The following NRSN2 variants were observed in gnomAD, a reference collection of about 807,000 sequenced individuals.
The protein encoded by NRSN2 is neurensin 2, also known as neurensin-2.
NRSN2 carries 10 observed loss-of-function variants against 11.1 expected under a neutral mutation model. The observed-to-expected ratio is 0.90, with a 90% CI of 0.56 to 1.53. The LOEUF (loss-of-function observed/expected upper bound fraction) is 1.53. Ranked by LOEUF, NRSN2 falls within the 40% of genes most tolerant of loss-of-function variation. NRSN2 has a pLI of 0.00. For missense variants in NRSN2, 260 were observed against 273.7 expected (o/e 0.95, Z 0.35); for synonymous variants, 100 against 117.0 (o/e 0.86, Z 0.94).
chr20:352,614 C>T (rs2014056600), intron 4 of NRSN2, among the ~76,000 whole-genome samples: 1 of 152,236 alleles, frequency 6.6e-6, no homozygotes, highest in African/African-American at 2.4e-5. Context: ...ATTCAGCAAA[C>T]ATTTATTCAG....
chr20:349,552 C>T (rs1265479582), intron 3 of NRSN2, 86 bp from the exon 4 acceptor site: 18 of 1,151,662 alleles, frequency 1.6e-5, no homozygotes, highest in Admixed American at 7.1e-5. Flanking sequence ...GGGTGGGGCA[C>T]AAAGATTTAG....
intron 3 of NRSN2, 24 bp from the exon 4 acceptor site, chr20:349,614 A>T: frequency 6.3e-7 from 1 of 1,587,048 alleles, no homozygotes; most frequent in East Asian, 2.2e-5. Flanking sequence ...TCCCTCCGTC[A>T]GCTGCACCTT....
chr20:351,527 C>T (rs1289361922), intron 4 of NRSN2, among the ~76,000 whole-genome samples: 1 of 152,028 alleles, frequency 6.6e-6, no homozygotes, highest in Non-Finnish European at 1.5e-5. Flanking sequence ...GAGTGAGACT[C>T]TGTCAAGAAA....
chr20:349,762 C>T lies in NRSN2; in HGVS notation c.119C>T (p.Ala40Val), dbSNP rs1198963683. 1 of 1,613,530 alleles carries T rather than the reference C, an allele frequency of 6.2e-7. No individual in the cohort carries two copies. Among genetic ancestry groups the T allele is most frequent in the Non-Finnish European group, 8.5e-7 (1 of 1,180,008 alleles). The change falls in exon 4 of 5, where the codon GCT becomes GTT. Residue 40 changes from alanine (A) to valine (V), a missense_variant. Physicochemically the swap from Ala to Val is moderately conservative, Grantham distance 64. Coordinates refer to ENST00000382285, the MANE Select transcript of NRSN2 (RefSeq NM_001323682.2). ...TTCTATGAGGACTGTGCAGGCACTGCTCTCAGCGACGACCCTGAGGGACCT... is the reference window on the plus strand; with the variant it reads ...TTCTATGAGGACTGTGCAGGCACTGTTCTCAGCGACGACCCTGAGGGACCT... ...HLFYEDCAGT[A>V]LSDDPEGPPV...
At chr20:350,477 TAAA>T (rs553851326) in intron 4 of NRSN2, among the ~76,000 whole-genome samples, 9 of 83,436 alleles carry the variant, frequency 1.1e-4, no homozygotes, top group African/African-American at 3.2e-4. Context: ...AAACTCCCTC[TAAA>T]AAAAAAAAAA....
rs144774955 is a variant in NRSN2, at chr20:353,612, A to C, written c.592A>C (p.Ile198Leu). ...CTTTGGGCAATCTTCTGTGCAGACTATCCAGCCCAAGAGGGACTCCTGAGC... is the reference window on the plus strand; with the variant it reads ...CTTTGGGCAATCTTCTGTGCAGACTCTCCAGCCCAAGAGGGACTCCTGAGC... ...SPFGQSSVQT[I>L]QPKRDS The change falls in exon 5 of 5, where the codon ATC becomes CTC. Residue 198 changes from isoleucine to leucine, a missense_variant. Transcript: ENST00000382285. The C allele has an allele frequency of 1.2e-4, 187 of 1,614,026 alleles. No individual in the cohort carries two copies. The highest frequency in any genetic ancestry group is 1.3e-4 in the Non-Finnish European group (158 of 1,180,034).
rs2013548455 is a variant in NRSN2, at chr20:347,809, A to G, written c.-122+297A>G. 6.7e-6 allele frequency among the ~76,000 whole-genome samples: 1 copy of G among 150,360 alleles called. No homozygotes were observed. Among genetic ancestry groups the G allele is most frequent in the Non-Finnish European group, 1.5e-5 (1 of 67,500 alleles). On this transcript the variant is annotated intron_variant, in intron 2 of 4. Transcript: ENST00000382285. This position sits in a 1 kb window ranked among gnomAD's most constrained non-coding sequence, Gnocchi z 7.0. ...CCCCTCCGCCTCCCGCTCCCCTCCC[A>G]CCGAGCTCCTCCCGGCTCCCGGGCT...
In NRSN2 at chr20:347,876, G is replaced by T. The variant is rs958526072; in HGVS notation, c.-122+364G>T. The stretch of plus-strand genomic sequence containing the variant: ...CGGTTCCCATGGCAACCCTCGTCCC[G>T]GGTGCCTGCGCCCCGCCCCCCGCCC... On this transcript the variant is annotated intron_variant, in intron 2 of 4. Transcript: ENST00000382285. The surrounding 1 kb of genome is among the most constrained non-coding windows in gnomAD (Gnocchi z 7.0). 3.9e-5 allele frequency among the ~76,000 whole-genome samples: 6 copies of T among 152,184 alleles called. No homozygotes were observed. In the East Asian group the frequency reaches 9.7e-4, roughly 25 times the overall value.
In NRSN2 at chr20:349,876, G is replaced by C. The variant is rs763754821; in HGVS notation, c.189+44G>C. 14 of 1,554,942 alleles carry C rather than the reference G, an allele frequency of 9.0e-6. No individual in the cohort carries two copies. The South Asian group carries it at 1.6e-4, about 18-fold the overall frequency. On this transcript the variant is annotated intron_variant, in intron 4 of 4. Coordinates refer to ENST00000382285, the MANE Select transcript of NRSN2 (RefSeq NM_001323682.2). ...CTCCCATGATTCCTCTGCCTTGATG[G>C]AGGAAATGAGTCTGAATTTGAGGCT...
intron 4 of NRSN2, among the ~76,000 whole-genome samples, chr20:351,102 G>A (rs893570492): frequency 2.0e-5 from 3 of 152,154 alleles, no homozygotes; most frequent in Admixed American, 6.5e-5. Context: ...GGTGATGGGC[G>A]CCTATAATCC....
intron 4 of NRSN2, among the ~76,000 whole-genome samples, chr20:352,883 A>G (rs556266397): frequency 6.6e-6 from 1 of 152,284 alleles, no homozygotes; most frequent in South Asian, 2.1e-4. Context: ...ATGAGATCTG[A>G]TGGTGCATAG....
intron 4 of NRSN2, among the ~76,000 whole-genome samples, chr20:352,307 T>G (rs2014032263): frequency 6.6e-6 from 1 of 152,150 alleles, no homozygotes; most frequent in Non-Finnish European, 1.5e-5. Flanking sequence ...TGCTAAATAT[T>G]CTCGGGAGAC....
intron 4 of NRSN2, 94 bp from the exon 5 acceptor site, chr20:353,116 T>C: frequency 4.4e-6 from 5 of 1,145,912 alleles, no homozygotes; most frequent in Non-Finnish European, 6.4e-6. Context: ...GATCAAGGGG[T>C]TACCCTTAAG....
intron 2 of NRSN2, chr20:348,264 T>A (rs1234998511): frequency 2.0e-5 from 3 of 152,408 alleles, no homozygotes; most frequent in Admixed American, 2.0e-4. Flanking sequence ...AGCCCTCCTC[T>A]CCAGACCTCT....
At chr20:350,881 C>T (rs1224749478) in intron 4 of NRSN2, among the ~76,000 whole-genome samples, 1 of 152,098 alleles carries the variant, frequency 6.6e-6, no homozygotes, top group Non-Finnish European at 1.5e-5. Flanking sequence ...CAAATGGCCA[C>T]TACTGTGTGG....
intron 3 of NRSN2, 135 bp from the exon 4 acceptor site, chr20:349,503 G>A (rs2013743731): frequency 1.5e-6 from 1 of 652,734 alleles, no homozygotes; most frequent in Admixed American, 2.9e-5. Context: ...AGGCCAGACT[G>A]TGCTATGCGT....
In NRSN2 at chr20:347,820, C is replaced by G. The variant is rs1382365000; in HGVS notation, c.-122+308C>G. 1.3e-5 allele frequency among the ~76,000 whole-genome samples: 2 copies of G among 152,208 alleles called. No homozygotes were observed. The highest frequency in any genetic ancestry group is 1.9e-4 in the East Asian group (1 of 5,148). Reference sequence around the variant, plus strand: ...CCCGCTCCCCTCCCACCGAGCTCCTCCCGGCTCCCGGGCTGGGGACGCCTC... The same window carrying G: ...CCCGCTCCCCTCCCACCGAGCTCCTGCCGGCTCCCGGGCTGGGGACGCCTC... On this transcript the variant is annotated intron_variant, in intron 2 of 4. Coordinates refer to ENST00000382285, the MANE Select transcript of NRSN2 (RefSeq NM_001323682.2). This position sits in a 1 kb window ranked among gnomAD's most constrained non-coding sequence, Gnocchi z 7.0.
chr20:352,194 T>C (rs2014021722), intron 4 of NRSN2, among the ~76,000 whole-genome samples: 1 of 152,208 alleles, frequency 6.6e-6, no homozygotes. Flanking sequence ...ATGTGAAGAA[T>C]TGATGTCTTT....
intron 2 of NRSN2, among the ~76,000 whole-genome samples, chr20:348,861 A>G (rs2013692688): frequency 6.6e-6 from 1 of 152,010 alleles, no homozygotes; most frequent in African/African-American, 2.4e-5. Flanking sequence ...TGGAAAAAAA[A>G]AAAAAGGTTA....
Sources: gnomAD v4.1 joint callset for allele counts (sites outside exome capture counted in the v4.1 genomes callset) on GRCh38, gnomAD v4.1.1 for gene constraint, Gnocchi (gnomAD v3.1) non-coding constraint, MANE v1.5 for transcripts, NCBI Gene and HGNC (gene_info 2026-07-23, HGNC 2026-07-21) for gene names.